The following AKAP7 variants were observed in gnomAD, a reference collection of about 807,000 sequenced individuals.
AKAP7 encodes A-kinase anchoring protein 7, also known as A kinase (PRKA) anchor protein 7.
A neutral mutation model predicts 39.5 loss-of-function variants in AKAP7; 39 were observed. The ratio of observed to expected loss-of-function variants is 0.99; its 90% CI spans 0.76 to 1.29. The LOEUF (loss-of-function observed/expected upper bound fraction) is 1.29, where lower values mean the gene tolerates loss of function less well. Ranked by LOEUF, AKAP7 falls within the 50% of genes most tolerant of loss-of-function variation. AKAP7 has a pLI of 0.00. For synonymous variants in AKAP7, 140 were observed against 139.1 expected (o/e 1.01, Z -0.05); for missense variants, 414 against 407.7 (o/e 1.02, Z -0.13).
intron 5 of AKAP7, chr6:131,184,313 G>GC (rs915429300): frequency 9.8e-6 from 6 of 614,264 alleles, no homozygotes; most frequent in Admixed American, 1.9e-5. Flanking sequence ...GGGGAGCAGG[G>GC]GGGTGGCTAT....
intron 6 of AKAP7, chr6:131,200,807 C>A (rs146487155): frequency 6.6e-6 from 1 of 152,152 alleles, no homozygotes; most frequent in Non-Finnish European, 1.5e-5. Context: ...TGTAGACTGA[C>A]AGTTTGATTC....
chr6:131,208,190 T>G (rs1480566823), intron 6 of AKAP7, among the ~76,000 whole-genome samples: 1 of 152,248 alleles, frequency 6.6e-6, no homozygotes, highest in Admixed American at 6.5e-5. Context: ...ACAAGTGCCT[T>G]CACTTATGTT....
In AKAP7 at chr6:131,281,913, T is replaced by A. The variant is rs570357824; in HGVS notation, c.*187T>A. ...ACACAACAGAAGAAAAATGGAGTGCTGGGACTGGCAGAGGAAATTAATTGA... is the reference window on the plus strand; with the variant it reads ...ACACAACAGAAGAAAAATGGAGTGCAGGGACTGGCAGAGGAAATTAATTGA... On this transcript the variant is annotated 3_prime_UTR_variant, in exon 8 of 8. Coordinates refer to ENST00000431975, the MANE Select transcript of AKAP7 (RefSeq NM_016377.4). This position sits in a 1 kb window ranked among gnomAD's most constrained non-coding sequence, Gnocchi z 4.0. 1 of 1,249,322 alleles carries A rather than the reference T, an allele frequency of 8.0e-7. No homozygotes were observed. Among genetic ancestry groups the A allele is most frequent in the East Asian group, 3.2e-5 (1 of 31,384 alleles). 77.4% of individuals were successfully genotyped at this position (1,249,322 alleles called of 1,614,324 possible). A position where few individuals can be genotyped will look rare whatever the true frequency, so the allele number is the denominator to read the frequency against.
At chr6:131,157,212 A>T (rs1802499852) in intron 2 of AKAP7, among the ~76,000 whole-genome samples, 1 of 152,224 alleles carries the variant, frequency 6.6e-6, no homozygotes, top group Non-Finnish European at 1.5e-5. Context: ...GTTTTTATGT[A>T]TTAACTGACT....
chr6:131,164,949 G>A, intron 3 of AKAP7, 132 bp from the exon 4 acceptor site: 1 of 661,532 alleles, frequency 1.5e-6, no homozygotes, highest in African/African-American at 1.8e-5. Flanking sequence ...GCATTCATTT[G>A]GTTGAAGAAT....
At chr6:131,200,755 T>C (rs1382923940) in intron 6 of AKAP7, 1 of 152,178 alleles carries the variant, frequency 6.6e-6, no homozygotes, top group Non-Finnish European at 1.5e-5. Context: ...TTGGTGTAAA[T>C]GATAGATTTT....
At chr6:131,184,099 G>A (rs1383534465) in intron 5 of AKAP7, among the ~76,000 whole-genome samples, 1 of 152,210 alleles carries the variant, frequency 6.6e-6, no homozygotes, top group Non-Finnish European at 1.5e-5. Flanking sequence ...GGGCCCACAG[G>A]TATGCCTTGG....
At chr6:131,180,579 T>C (rs976898074) in intron 5 of AKAP7, among the ~76,000 whole-genome samples, 1 of 152,184 alleles carries the variant, frequency 6.6e-6, no homozygotes, top group African/African-American at 2.4e-5. Context: ...AAATCTTCAT[T>C]GTACCTTTCC....
intron 4 of AKAP7, 72 bp downstream of exon 4, chr6:131,165,289 C>T: frequency 1.8e-6 from 2 of 1,124,272 alleles, no homozygotes; most frequent in Non-Finnish European, 2.5e-6. Flanking sequence ...CAGCAGAACC[C>T]AAAGAGACAT....
intron 7 of AKAP7, among the ~76,000 whole-genome samples, chr6:131,236,900 C>T (rs1393611504): frequency 6.6e-6 from 1 of 152,070 alleles, no homozygotes; most frequent in Non-Finnish European, 1.5e-5. Flanking sequence ...CCTTTATTTC[C>T]TTCTCCTGCC....
At chr6:131,169,025 CT>C in intron 4 of AKAP7, 87 bp from the exon 5 acceptor site, 2 of 1,164,684 alleles carry the variant, frequency 1.7e-6, no homozygotes, top group South Asian at 1.6e-5. Context: ...CAAAATTCAT[CT>C]TTCTAAAACT....
chr6:131,236,912 G>A (rs1292399521), intron 7 of AKAP7, among the ~76,000 whole-genome samples: 2 of 152,098 alleles, frequency 1.3e-5, no homozygotes. Flanking sequence ...TCTCCTGCCT[G>A]ATTGCCCTGG....
At chr6:131,247,041 C>T (rs1018156470) in intron 7 of AKAP7, among the ~76,000 whole-genome samples, 2 of 151,922 alleles carry the variant, frequency 1.3e-5, no homozygotes, top group African/African-American at 4.8e-5. Flanking sequence ...AGTAATACCA[C>T]CATCTTCAGA....
intron 7 of AKAP7, among the ~76,000 whole-genome samples, chr6:131,263,839 G>A (rs1337496349): frequency 6.6e-6 from 1 of 152,146 alleles, no homozygotes; most frequent in Non-Finnish European, 1.5e-5. Flanking sequence ...GGGCGGCAAT[G>A]GAGTAGCCAC....
intron 3 of AKAP7, among the ~76,000 whole-genome samples, chr6:131,164,739 A>G (rs1236786195): frequency 6.6e-6 from 1 of 152,186 alleles, no homozygotes; most frequent in Non-Finnish European, 1.5e-5. Context: ...TTATTGAGTC[A>G]TATTGGGTAT....
intron 5 of AKAP7, among the ~76,000 whole-genome samples, chr6:131,196,859 TA>T (rs1229873617): frequency 6.6e-6 from 1 of 152,210 alleles, no homozygotes; most frequent in Admixed American, 6.5e-5. Flanking sequence ...ATTGTTAATG[TA>T]TAGTGCATTT....
chr6:131,153,480 A>G (rs148992513), intron 2 of AKAP7, among the ~76,000 whole-genome samples: 14 of 152,236 alleles, frequency 9.2e-5, no homozygotes, highest in Non-Finnish European at 1.8e-4. Flanking sequence ...TTCTCCTGAT[A>G]GCAGAATGGT....
chr6:131,253,169 G>T, intron 7 of AKAP7: 1 of 1,440,166 alleles, frequency 6.9e-7, no homozygotes, highest in Non-Finnish European at 9.7e-7. Flanking sequence ...CCGTTTGGTG[G>T]TGGTGGTAGA....
intron 5 of AKAP7, among the ~76,000 whole-genome samples, chr6:131,172,842 GTTTAT>G (rs984858613): frequency 2.0e-5 from 3 of 152,154 alleles, no homozygotes; most frequent in South Asian, 2.1e-4. Context: ...AATTCTCTGT[GTTTAT>G]TTTAAGTATT....
Sources: allele counts gnomAD v4.1 joint callset (sites outside exome capture counted in the v4.1 genomes callset), GRCh38; gene constraint gnomAD v4.1.1; non-coding constraint Gnocchi (gnomAD v3.1); transcripts MANE v1.5; gene names NCBI Gene and HGNC (gene_info 2026-07-23, HGNC 2026-07-21).